Variants in RGL1 observed in about 807,000 individuals in gnomAD.
The protein encoded by RGL1 is ral guanine nucleotide dissociation stimulator-like 1.
A neutral mutation model predicts 95.2 loss-of-function variants in RGL1; 24 were observed. The observed-to-expected ratio is 0.25, with a 90% CI of 0.18 to 0.35. RGL1 has a LOEUF of 0.35. Ranked by LOEUF, RGL1 falls within the 10% of genes least tolerant of loss-of-function variation. The pLI is 1.00. For missense variants in RGL1, 715 were observed against 936.3 expected, an observed-to-expected ratio of 0.76 and a Z score of 3.08; for synonymous variants, 329 against 344.9, an observed-to-expected ratio of 0.95 and a Z score of 0.51.
At chr1:183,866,389 A>G (rs375748101) in intron 4 of RGL1, among the ~76,000 whole-genome samples, 2 of 152,224 alleles carry the variant, frequency 1.3e-5, no homozygotes, top group African/African-American at 4.8e-5. Context: ...CACACAAAAA[A>G]GTGAAGAAGA....
chr1:183,815,884 T>C (rs1368367032), intron 2 of RGL1, among the ~76,000 whole-genome samples: 2 of 152,114 alleles, frequency 1.3e-5, no homozygotes, highest in East Asian at 3.9e-4. Context: ...AACCCTGCCA[T>C]AGAACCTTGG....
chr1:183,799,465 C>G (rs1256745237), intron 2 of RGL1, among the ~76,000 whole-genome samples: 1 of 152,184 alleles, frequency 6.6e-6, no homozygotes, highest in Admixed American at 6.5e-5. Context: ...TGCATCCTCA[C>G]CAACACTTGT....
At chr1:183,851,878 T>TC (rs1486449111) in intron 3 of RGL1, among the ~76,000 whole-genome samples, 32 of 152,254 alleles carry the variant, frequency 2.1e-4, no homozygotes, top group African/African-American at 7.7e-4. Flanking sequence ...TTTTAATGTC[T>TC]ATAATTAAGA....
chr1:183,767,525 G>T (rs1263637782), intron 2 of RGL1, among the ~76,000 whole-genome samples: 1 of 152,132 alleles, frequency 6.6e-6, no homozygotes, highest in Non-Finnish European at 1.5e-5. Context: ...TCACTTCAGG[G>T]ATGTGACCAG....
intron 2 of RGL1, among the ~76,000 whole-genome samples, chr1:183,847,132 A>G (rs3010053): frequency 0.16 from 23,985 of 151,980 alleles, 2,280 homozygotes; most frequent in East Asian, 0.29. Context: ...ATTGCCTTAT[A>G]TGACATGTAG....
At chr1:183,686,925 T>A (rs1653623079) in intron 1 of RGL1, among the ~76,000 whole-genome samples, 1 of 152,234 alleles carries the variant, frequency 6.6e-6, no homozygotes, top group South Asian at 2.1e-4. Flanking sequence ...ACTTCTCCAT[T>A]TTAGCTATTG....
At chr1:183,681,947 A>G (rs1003320606) in intron 1 of RGL1, among the ~76,000 whole-genome samples, 4 of 152,260 alleles carry the variant, frequency 2.6e-5, no homozygotes, top group South Asian at 2.1e-4. Flanking sequence ...TTTCTAGTTT[A>G]TTTGTGTAGA....
At chr1:183,917,272 T>TA (rs56246487) in intron 16 of RGL1, among the ~76,000 whole-genome samples, 1 of 152,344 alleles carries the variant, frequency 6.6e-6, no homozygotes, top group East Asian at 1.9e-4. Flanking sequence ...GAGCTTCTTG[T>TA]AAAATCTGTG....
intron 1 of RGL1, among the ~76,000 whole-genome samples, chr1:183,711,706 A>G (rs1043173722): frequency 1.3e-5 from 2 of 152,030 alleles, no homozygotes; most frequent in Admixed American, 6.6e-5. Context: ...TGGATTTGGC[A>G]ACTGTCTTGA....
chr1:183,699,554 A>G (rs1369873447), intron 1 of RGL1, among the ~76,000 whole-genome samples: 1 of 152,166 alleles, frequency 6.6e-6, no homozygotes, highest in African/African-American at 2.4e-5. Flanking sequence ...AATCTAATAA[A>G]TATGCAGGTT....
chr1:183,663,879 A>G (rs1197628900), intron 1 of RGL1, among the ~76,000 whole-genome samples: 4 of 151,522 alleles, frequency 2.6e-5, no homozygotes, highest in Admixed American at 2.6e-4. Flanking sequence ...AATACTATGC[A>G]GCCATAAAAA....
At chr1:183,676,664 G>A (rs572834601) in intron 1 of RGL1, among the ~76,000 whole-genome samples, 5 of 147,454 alleles carry the variant, frequency 3.4e-5, no homozygotes, top group Admixed American at 2.7e-4. Context: ...TGATTAGATC[G>A]ATGAGGATGT....
intron 2 of RGL1, among the ~76,000 whole-genome samples, chr1:183,786,054 G>A (rs1198620178): frequency 6.6e-6 from 1 of 151,822 alleles, no homozygotes; most frequent in Non-Finnish European, 1.5e-5. Flanking sequence ...CTCCAGCCTG[G>A]GCAACAGAGC....
At chr1:183,844,397 G>A (rs1450842729) in intron 2 of RGL1, among the ~76,000 whole-genome samples, 1 of 152,162 alleles carries the variant, frequency 6.6e-6, no homozygotes, top group South Asian at 2.1e-4. Flanking sequence ...CAAAGTATGT[G>A]CATTCTGAAG....
intron 2 of RGL1, among the ~76,000 whole-genome samples, chr1:183,789,755 ATTTTC>A (rs971664612): frequency 6.6e-6 from 1 of 152,020 alleles, no homozygotes; most frequent in Non-Finnish European, 1.5e-5. Context: ...ACAAGAAGGA[ATTTTC>A]TTTGTCACAA....
intron 2 of RGL1, among the ~76,000 whole-genome samples, chr1:183,817,535 C>T (rs1354940859): frequency 6.6e-6 from 1 of 152,164 alleles, no homozygotes; most frequent in African/African-American, 2.4e-5. Flanking sequence ...TCCTTCTATT[C>T]ATATGGGATC....
At chr1:183,706,248 A>C (rs1242436506) in intron 1 of RGL1, among the ~76,000 whole-genome samples, 3 of 152,172 alleles carry the variant, frequency 2.0e-5, no homozygotes, top group Non-Finnish European at 4.4e-5. Flanking sequence ...TGCAGGGAGC[A>C]GAAAAGTGGA....
rs969869202 is a variant in RGL1 at position 183,927,470 on chromosome 1, C to T, written c.*1178C>T. Reference sequence around the variant, plus strand: ...CTTTTATAGCATTACTGTGCCTAGTCGTGGGGAAAGAGATGGGGCTGTATA... The same window carrying T: ...CTTTTATAGCATTACTGTGCCTAGTTGTGGGGAAAGAGATGGGGCTGTATA... On this transcript the variant is annotated 3_prime_UTR_variant, in exon 18 of 18. Transcript: ENST00000360851. 3 of 152,214 alleles carry T rather than the reference C, an allele frequency of 2.0e-5. No homozygotes were observed. Among genetic ancestry groups the T allele is most frequent in the Non-Finnish European group, 1.5e-5 (1 of 68,038 alleles). The allele number at this position is 152,214 out of a possible 1,614,324, so 9.4% of individuals were successfully genotyped here.
chr1:183,767,718 C>A (rs542891222), intron 2 of RGL1, among the ~76,000 whole-genome samples: 1 of 152,096 alleles, frequency 6.6e-6, no homozygotes, highest in African/African-American at 2.4e-5. Context: ...TTTGTGAGGC[C>A]GAGGTGGGCA....
Sources: allele counts gnomAD v4.1 joint callset (sites outside exome capture counted in the v4.1 genomes callset), GRCh38; gene constraint gnomAD v4.1.1; transcripts MANE v1.5; gene names NCBI Gene and HGNC (gene_info 2026-07-23, HGNC 2026-07-21).